Variants in SYTL4 observed in about 807,000 individuals in gnomAD.
SYTL4 encodes the protein synaptotagmin-like protein 4.
In SYTL4, 16 loss-of-function variants were observed where a neutral mutation model predicts 52.7. The observed-to-expected ratio is 0.30, with a 90% CI of 0.21 to 0.46. The LOEUF is 0.46. SYTL4 is among the 20% of genes least tolerant of loss of function. SYTL4 has a pLI of 1.00. For synonymous variants in SYTL4, 160 were observed against 186.6 expected (o/e 0.86, Z 1.16); for missense variants, 423 against 519.9 (o/e 0.81, Z 1.81).
In SYTL4 at chrX:100,701,579, T is replaced by G. The variant is rs1331779348; in HGVS notation, c.205A>C (p.Ser69Arg). 7 of 1,211,420 alleles carry G rather than the reference T, an allele frequency of 5.8e-6. No individual in the cohort carries two copies. The highest frequency in any genetic ancestry group is 7.8e-6 in the Non-Finnish European group (7 of 895,347). Residue 69 changes from serine to arginine, a missense_variant, in exon 6 of 20, where the codon AGC becomes CGC. Physicochemically the swap from Ser to Arg is moderately radical, Grantham distance 110. Coordinates refer to ENST00000372989, the MANE Select transcript of SYTL4 (RefSeq NM_001370165.1). Reference sequence around the variant, plus strand: ...GTTTTGGGACTCAAACGGCCCAGGCTCTCCTGGCACCGGGCACAGGTCCGA... The same window carrying G: ...GTTTTGGGACTCAAACGGCCCAGGCGCTCCTGGCACCGGGCACAGGTCCGA... ...SDRTCARCQE[S>R]LGRLSPKTNT...
chrX:100,689,913 A>C lies in SYTL4; in HGVS notation c.855T>G (p.His285Gln). The C allele has an allele frequency of 1.7e-6, 2 of 1,210,382 alleles. No individual in the cohort carries two copies. Among genetic ancestry groups the C allele is most frequent in the Non-Finnish European group, 1.1e-6 (1 of 894,536 alleles). ...TTCTGTCTCCCAAGGAGCCACTTTC[A>C]TGTACCACATCTTCTGGGCGAAGAT... is the stretch of plus-strand genomic sequence containing the variant. ...VIDLRPEDVV[H>Q]ESGSLGDRSK... Residue 285 changes from histidine to glutamine, a missense_variant, in exon 12 of 20, where the codon CAT (histidine) becomes CAG (glutamine). By Grantham distance (24) the His-to-Gln change is conservative. Coordinates refer to ENST00000372989, the MANE Select transcript of SYTL4 (RefSeq NM_001370165.1).
In SYTL4 at chrX:100,678,423, A is replaced by G; in HGVS notation, c.1835T>C (p.Phe612Ser). ...AACACCCAGCCTGACCCCTCCCAGG[A>G]AGTCATTGCTGGCCAGGGGCTCCCG... ...WDREPLASND[F>S]LGGVRLGVGT... Residue 612 changes from phenylalanine to serine, a missense_variant, in exon 19 of 20, where the codon TTC becomes TCC. Phe to Ser is a radical substitution (Grantham distance 155). Transcript: ENST00000372989. 2 of 1,210,938 alleles carry G rather than the reference A, an allele frequency of 1.7e-6. No homozygotes were observed. The highest frequency in any genetic ancestry group is 2.2e-6 in the Non-Finnish European group (2 of 894,893).
Position 100,688,353 on chromosome X carries a change from T to A in SYTL4, c.1003A>T (p.Met335Leu). 1 of 1,208,064 alleles carries A rather than the reference T, an allele frequency of 8.3e-7. No individual in the cohort carries two copies. Among genetic ancestry groups the A allele is most frequent in the Non-Finnish European group, 1.1e-6 (1 of 892,242 alleles). ...ACCACAGATCTAATAGAACTTACCA[T>A]GGAGGAGCCACTTTGCATGCTGCTT... is the stretch of plus-strand genomic sequence containing the variant. ...ARSSMQSGSS[M>L]STIGSMMSIY... Residue 335 changes from methionine to leucine, a missense_variant and splice_region_variant, in exon 13 of 20, where the codon ATG becomes TTG. Met to Leu is a conservative substitution (Grantham distance 15). Coordinates refer to ENST00000372989, the MANE Select transcript of SYTL4 (RefSeq NM_001370165.1).
At chrX:100,680,818 A>G (rs1039998590) in intron 17 of SYTL4, among the ~76,000 whole-genome samples, 4 of 110,693 alleles carry the variant, frequency 3.6e-5, no homozygotes, top group African/African-American at 9.9e-5. Context: ...GGGAAAGCAA[A>G]TATGTTTTAC....
chrX:100,694,396 T>C (rs1366319551), intron 8 of SYTL4, among the ~76,000 whole-genome samples: 4 of 111,338 alleles, frequency 3.6e-5, no homozygotes, highest in Non-Finnish European at 7.5e-5. Context: ...AATCTCACCC[T>C]AGGGTCTTTA....
Position 100,675,289 on chromosome X carries a change from C to T in SYTL4, c.*739G>A, listed in dbSNP as rs768937564. The T allele has an allele frequency of 2.7e-5, 3 of 112,433 alleles. No homozygotes were observed. The highest frequency in any genetic ancestry group is 3.8e-4 in the South Asian group (1 of 2,659). 9.3% of individuals were successfully genotyped at this position (112,433 alleles called of 1,213,427 possible). ...GCTAGAAGCTCTCACTGGGCATCCT[C>T]GTGATTTAGTCAAAATACATTATCT... is the stretch of plus-strand genomic sequence containing the variant. On this transcript the variant is annotated 3_prime_UTR_variant, in exon 20 of 20. Coordinates refer to ENST00000372989, the MANE Select transcript of SYTL4 (RefSeq NM_001370165.1).
chrX:100,689,774 G>A (rs1280280752), intron 12 of SYTL4, 82 bp downstream of exon 12: 18 of 531,371 alleles, frequency 3.4e-5, no homozygotes, highest in Non-Finnish European at 5.5e-5. Context: ...TAAATAGGTT[G>A]ACTGAGAATA....
chrX:100,689,507 C>T (rs1355193545), intron 12 of SYTL4, among the ~76,000 whole-genome samples: 4 of 105,535 alleles, frequency 3.8e-5, no homozygotes, highest in Non-Finnish European at 7.8e-5. Context: ...GGCATGGTGG[C>T]GCACACCTGT....
At position 100,681,245 on chromosome X, in the gene SYTL4, C is replaced by A. The variant is rs773557143; in HGVS notation, c.1540G>T (p.Gly514Ter). The A allele has an allele frequency of 8.3e-7, 1 of 1,210,310 alleles. No homozygotes were observed. Among genetic ancestry groups the A allele is most frequent in the Admixed American group, 2.2e-5 (1 of 45,962 alleles). The change falls in exon 17 of 20, where the codon GGA becomes TGA. Residue 514 changes from glycine to a stop codon, truncating the protein, a stop_gained. Transcript: ENST00000372989. LOFTEE classifies it high-confidence loss of function. Reference protein sequence around the residue: ...KYIPASKTPVGGDRKKSKGGE... With the variant: ...KYIPASKTPV ...AACTCACTCTTTTTCCGGTCACCTC[C>A]AACAGGGGTTTTGGAGGCTGGGATG... is the stretch of plus-strand genomic sequence containing the variant.
intron 2 of SYTL4, among the ~76,000 whole-genome samples, chrX:100,729,733 G>A (rs946042245): frequency 9.0e-6 from 1 of 111,085 alleles, no homozygotes; most frequent in African/African-American, 3.3e-5. Context: ...TGTAAACAAA[G>A]TGCTTTAGGA....
At chrX:100,709,891 T>G (rs1200719234) in intron 2 of SYTL4, among the ~76,000 whole-genome samples, 1 of 111,921 alleles carries the variant, frequency 8.9e-6, no homozygotes, top group African/African-American at 3.3e-5. Flanking sequence ...TTCAGGCTAT[T>G]GTTATTGTTC....
intron 2 of SYTL4, among the ~76,000 whole-genome samples, chrX:100,731,114 T>C (rs1262873741): frequency 9.0e-6 from 1 of 111,270 alleles, no homozygotes; most frequent in African/African-American, 3.3e-5. Flanking sequence ...GATTAGAAAG[T>C]CACCACTTTT....
chrX:100,726,190 G>T (rs2084513393), intron 2 of SYTL4, among the ~76,000 whole-genome samples: 2 of 108,524 alleles, frequency 1.8e-5, no homozygotes, highest in African/African-American at 6.7e-5. Context: ...AGGGTTCTGC[G>T]ACTTGAGGCA....
At chrX:100,731,064 C>G (rs1019055475) in intron 2 of SYTL4, among the ~76,000 whole-genome samples, 3 of 111,650 alleles carry the variant, frequency 2.7e-5, no homozygotes, top group Non-Finnish European at 5.6e-5. Context: ...TTTACGTCCT[C>G]TAATCCTGAA....
chrX:100,722,169 G>C (rs754971918), intron 2 of SYTL4, among the ~76,000 whole-genome samples: 18 of 110,876 alleles, frequency 1.6e-4, no homozygotes, highest in African/African-American at 5.2e-4. Flanking sequence ...GCAAATATCT[G>C]ATTTAAAAAA....
At chrX:100,728,697 T>G (rs900498984) in intron 2 of SYTL4, among the ~76,000 whole-genome samples, 3 of 111,470 alleles carry the variant, frequency 2.7e-5, no homozygotes, top group Admixed American at 9.5e-5. Flanking sequence ...ATTTTTACAT[T>G]TCCACTTTTA....
intron 8 of SYTL4, 37 bp from the exon 9 acceptor site, chrX:100,691,246 C>T (rs756090619): frequency 7.6e-6 from 8 of 1,054,444 alleles, no homozygotes; most frequent in Non-Finnish European, 1.0e-5. Flanking sequence ...TGAAAGGAAG[C>T]AGGTTCTCCT....
intron 2 of SYTL4, 82 bp downstream of exon 2, chrX:100,731,336 A>C (rs2084640518): frequency 8.9e-6 from 1 of 112,765 alleles, no homozygotes; most frequent in Admixed American, 9.4e-5. Flanking sequence ...GCAGCTCCAC[A>C]GCACACAGCC....
At chrX:100,728,794 T>A (rs1189774475) in intron 2 of SYTL4, among the ~76,000 whole-genome samples, 1 of 111,311 alleles carries the variant, frequency 9.0e-6, no homozygotes, top group Non-Finnish European at 1.9e-5. Flanking sequence ...TCCCAGCACT[T>A]TGGGAGGCCG....
Sources: gnomAD v4.1 joint callset for allele counts (sites outside exome capture counted in the v4.1 genomes callset) on GRCh38, gnomAD v4.1.1 for gene constraint, MANE v1.5 for transcripts, NCBI Gene and HGNC (gene_info 2026-07-23, HGNC 2026-07-21) for gene names.